BBS2: variants seen among roughly 807,000 people sequenced by gnomAD.
The protein encoded by BBS2 is BBSome complex member BBS2.
A neutral mutation model predicts 83.0 loss-of-function variants in BBS2; 62 were observed. The observed-to-expected ratio is 0.75, with a 90% confidence interval of 0.61 to 0.92. The LOEUF is 0.92. Ranked by LOEUF, BBS2 falls within the 40% of genes least tolerant of loss-of-function variation. BBS2 has a pLI of 0.00. For missense variants in BBS2, 784 were observed against 901.0 expected (o/e 0.87, Z 1.66); for synonymous variants, 303 against 326.1 (o/e 0.93, Z 0.76).
chr16:56,472,223 T>C (rs574814814), intron 17 of BBS2, among the ~76,000 whole-genome samples: 4 of 152,126 alleles, frequency 2.6e-5, no homozygotes, highest in African/African-American at 9.6e-5. Flanking sequence ...TCCTACCTTG[T>C]CCTCCCAAAG....
chr16:56,505,263 C>T (rs980557719), intron 7 of BBS2, among the ~76,000 whole-genome samples: 1 of 152,092 alleles, frequency 6.6e-6, no homozygotes. Context: ...TTTTAGAATC[C>T]GTTCTTCACG....
intron 17 of BBS2, chr16:56,470,782 A>G (rs181408838): frequency 2.5e-6 from 4 of 1,592,760 alleles, no homozygotes; most frequent in South Asian, 2.3e-5. Flanking sequence ...GGAAAATGAA[A>G]CAAAGAAAGG....
rs1180164941 is a variant in BBS2, at chr16:56,501,167, G to A, written c.1226-142C>T. On this transcript the variant is annotated intron_variant, in intron 10 of 16. Transcript: ENST00000245157. ...CTACTAAAAATACAAAAAATTAGCT[G>A]GGCGTGGTGGTGGGCGCCTGTAGTC... 1.8e-5 allele frequency: 23 copies of A among 1,281,740 alleles called. No homozygotes were observed. In the East Asian group the frequency reaches 5.3e-4, roughly 30 times the overall value. 79.4% of individuals were successfully genotyped at this position (1,281,740 alleles called of 1,614,324 possible). A position where few individuals can be genotyped will look rare whatever the true frequency, so the allele number is the denominator to read the frequency against.
chr16:56,514,737 A>AT lies in BBS2; in HGVS notation c.118-58dup, dbSNP rs1167592933. 1.2e-5 allele frequency: 16 copies of AT among 1,350,020 alleles called. No homozygotes were observed. In the African/African-American group the frequency reaches 1.3e-4, roughly 11 times the overall value. The allele number at this position is 1,350,020 out of a possible 1,614,324, so 83.6% of individuals were successfully genotyped here. On this transcript the variant is annotated intron_variant, in intron 1 of 16. Coordinates refer to ENST00000245157, the MANE Select transcript of BBS2 (RefSeq NM_031885.5). ...AAAATATAAAAAATTAGTATCATACATTTTTTTAAAAAAGAACCAGGTTAT... is the reference window on the plus strand; with the variant it reads ...AAAATATAAAAAATTAGTATCATACATTTTTTTTAAAAAAGAACCAGGTTAT...
chr16:56,480,640 C>T (rs1232176289), downstream of BBS2, among the ~76,000 whole-genome samples: 5 of 152,164 alleles, frequency 3.3e-5, no homozygotes, highest in Non-Finnish European at 5.9e-5. Flanking sequence ...ACCCACCCGC[C>T]TTGACCTCCC....
In BBS2 at chr16:56,501,036, G is replaced by A. The variant is rs371851180; in HGVS notation, c.1226-11C>T. The A allele has an allele frequency of 3.5e-5, 57 of 1,614,080 alleles. 1 individual carries two copies. The East Asian group carries it at 5.8e-4, about 16-fold the overall frequency. Reference sequence around the variant, plus strand: ...CTCGGATGATGGTGTCTGCAGGGAAGAGTAAAAACAGTTTAAGAACAACTC... The same window carrying A: ...CTCGGATGATGGTGTCTGCAGGGAAAAGTAAAAACAGTTTAAGAACAACTC... On this transcript the variant is annotated splice_polypyrimidine_tract_variant and intron_variant, in intron 10 of 16. Transcript: ENST00000245157.
intron 1 of BBS2, among the ~76,000 whole-genome samples, chr16:56,516,588 G>A (rs1361741074): frequency 6.6e-6 from 1 of 151,992 alleles, no homozygotes; most frequent in Non-Finnish European, 1.5e-5. Flanking sequence ...GTAGAGACAG[G>A]GTTTCAGTCG....
intron 9 of BBS2, 154 bp from the exon 10 acceptor site, chr16:56,501,651 C>T (rs1244193350): frequency 5.9e-6 from 6 of 1,019,842 alleles, no homozygotes; most frequent in Non-Finnish European, 8.7e-6. Context: ...GAGAACTCAC[C>T]TCATTAGTGC....
At chr16:56,487,567 G>A (rs565134531) in intron 15 of BBS2, among the ~76,000 whole-genome samples, 96 of 152,186 alleles carry the variant, frequency 6.3e-4, no homozygotes, top group Middle Eastern at 3.4e-3. Context: ...ATCTACAAGA[G>A]TAAACCATGA....
intron 15 of BBS2, among the ~76,000 whole-genome samples, chr16:56,488,118 AC>A (rs771493835): frequency 7.9e-5 from 12 of 152,312 alleles, no homozygotes; most frequent in Non-Finnish European, 1.5e-4. Flanking sequence ...GGGGAAAAAA[AC>A]AAACTGTTCC....
At chr16:56,512,237 T>G (rs1964598167) in intron 2 of BBS2, among the ~76,000 whole-genome samples, 1 of 152,206 alleles carries the variant, frequency 6.6e-6, no homozygotes, top group Non-Finnish European at 1.5e-5. Context: ...TCTCCTACAC[T>G]GCAGGCAGGA....
intron 9 of BBS2, chr16:56,502,039 C>T (rs1393437664): frequency 2.0e-6 from 1 of 490,156 alleles, no homozygotes; most frequent in Non-Finnish European, 3.7e-6. Flanking sequence ...ATACTCCCTA[C>T]TGCTGACGAA....
At chr16:56,514,316 A>G in intron 2 of BBS2, 137 bp downstream of exon 2, 1 of 817,382 alleles carries the variant, frequency 1.2e-6, no homozygotes, top group Non-Finnish European at 2.0e-6. Context: ...GTTAACAGCA[A>G]AATCTCCATG....
chr16:56,475,242 C>G (rs1343271566), intron 17 of BBS2, among the ~76,000 whole-genome samples: 4 of 152,156 alleles, frequency 2.6e-5, no homozygotes, highest in Non-Finnish European at 5.9e-5. Flanking sequence ...GAATATTTAG[C>G]ATTTAATTCT....
chr16:56,504,663 A>T (rs984966891), intron 7 of BBS2, among the ~76,000 whole-genome samples: 2 of 152,216 alleles, frequency 1.3e-5, no homozygotes, highest in Non-Finnish European at 2.9e-5. Flanking sequence ...TTAAAATTTC[A>T]AAAGCATTTA....
At chr16:56,512,846 C>A (rs1467218063) in intron 2 of BBS2, among the ~76,000 whole-genome samples, 1 of 152,142 alleles carries the variant, frequency 6.6e-6, no homozygotes, top group African/African-American at 2.4e-5. Context: ...TTTACCTCAA[C>A]AAAAAATAGA....
chr16:56,478,707 T>G (rs1033109261), intron 17 of BBS2: 1 of 152,182 alleles, frequency 6.6e-6, no homozygotes, highest in Admixed American at 6.5e-5. Flanking sequence ...ACCTCACAAG[T>G]GTTAAAATGT....
chr16:56,518,723 G>A (rs1964822550), intron 1 of BBS2, among the ~76,000 whole-genome samples: 1 of 152,202 alleles, frequency 6.6e-6, no homozygotes, highest in African/African-American at 2.4e-5. Context: ...GCATGCCTCC[G>A]TCAAATACAC....
At position 56,502,917 on chromosome 16, in the gene BBS2, GA is replaced by G. The variant is rs1964318847; in HGVS notation, c.805-110del. 3.7e-5 allele frequency: 51 copies of G among 1,367,376 alleles called. 1 individual carries two copies. In the South Asian group the frequency reaches 6.4e-4, roughly 17 times the overall value. 84.7% of individuals were successfully genotyped at this position (1,367,376 alleles called of 1,614,324 possible). On this transcript the variant is annotated intron_variant, in intron 7 of 16. Transcript: ENST00000245157. ...GGTCATTTAGTCTAGCAGTTTTCAA[GA>G]GTATTCTATGAAGCCCTACAACTTC... is the stretch of plus-strand genomic sequence containing the variant.
Sources: gnomAD v4.1 joint callset for allele counts (sites outside exome capture counted in the v4.1 genomes callset) on GRCh38, gnomAD v4.1.1 for gene constraint, MANE v1.5 for transcripts, NCBI Gene and HGNC (gene_info 2026-07-23, HGNC 2026-07-21) for gene names.